The following PHKA2 variants were observed in gnomAD, a reference collection of about 807,000 sequenced individuals.
PHKA2 encodes phosphorylase kinase regulatory subunit alpha 2.
Under a neutral mutation model 102.0 loss-of-function variants are expected in PHKA2, and 31 were observed. The ratio of observed to expected loss-of-function variants is 0.30; its 90% CI spans 0.23 to 0.41. The LOEUF is 0.41. Among genes scored for constraint, PHKA2 ranks in the 10% least tolerant of loss-of-function variants. PHKA2 has a pLI of 1.00. For missense variants in PHKA2, 858 were observed against 1,023.1 expected, an observed-to-expected ratio of 0.84 and a Z score of 2.20; for synonymous variants, 455 against 416.2, an observed-to-expected ratio of 1.09 and a Z score of -1.13.
rs942855181 is a variant in PHKA2 at position 18,939,987 on chromosome X, A to C, written c.918+8T>G. 1.3e-5 allele frequency: 15 copies of C among 1,143,115 alleles called. No homozygotes were observed. Among genetic ancestry groups the C allele is most frequent in the Non-Finnish European group, 1.8e-5 (15 of 832,803 alleles). The allele number at this position is 1,143,115 out of a possible 1,213,427, so 94.2% of individuals were successfully genotyped here. On this transcript the variant is annotated splice_region_variant and intron_variant, in intron 9 of 32. Transcript: ENST00000379942. ...GAGGAAAGATAAGAAACAATATTTA[A>C]ATACAACCTCTCTTGGAGTTTTATA... is the stretch of plus-strand genomic sequence containing the variant.
chrX:18,910,612 G>A (rs191276897), intron 20 of PHKA2, among the ~76,000 whole-genome samples: 1 of 112,395 alleles, frequency 8.9e-6, no homozygotes, highest in African/African-American at 3.2e-5. Flanking sequence ...ACTCTGATGA[G>A]TAGGCAGCAA....
At chrX:18,917,459 A>T (rs1343735701) in intron 19 of PHKA2, among the ~76,000 whole-genome samples, 1 of 109,058 alleles carries the variant, frequency 9.2e-6, no homozygotes, top group Non-Finnish European at 1.9e-5. Flanking sequence ...GCGTTTCACC[A>T]TGTTGGCCAG....
intron 13 of PHKA2, among the ~76,000 whole-genome samples, 154 bp from the exon 14 acceptor site, chrX:18,926,741 C>A (rs930314572): frequency 9.0e-6 from 1 of 111,645 alleles, no homozygotes; most frequent in South Asian, 3.7e-4. Flanking sequence ...GTTCGTCCTG[C>A]TGCTCCTCCC....
chrX:18,921,383 GC>G (rs1399942699), intron 17 of PHKA2, among the ~76,000 whole-genome samples: 4 of 110,973 alleles, frequency 3.6e-5, no homozygotes, highest in Non-Finnish European at 7.6e-5. Flanking sequence ...CCGAGATCGC[GC>G]CACTGTACTC....
intron 3 of PHKA2, 139 bp downstream of exon 3, chrX:18,952,355 A>T: frequency 4.5e-6 from 2 of 440,251 alleles, no homozygotes; most frequent in Non-Finnish European, 8.1e-6. Context: ...AAAAAAAGAG[A>T]GAGAGAAAGT....
Position 18,948,577 on chromosome X carries a change from C to T in PHKA2, c.537+167G>A, listed in dbSNP as rs17313455. Among the ~76,000 whole-genome samples the T allele has an allele frequency of 5.3e-5, 6 of 112,501 alleles. No individual in the cohort carries two copies. The Admixed American group carries it at 5.6e-4, about 11-fold the overall frequency. ...AAAACCTGAAACCCCCAACTCTATT[C>T]CAGGACAAAAATATGCAGTTTGTGT... On this transcript the variant is annotated intron_variant, in intron 5 of 32. Coordinates refer to ENST00000379942, the MANE Select transcript of PHKA2 (RefSeq NM_000292.3).
chrX:18,942,813 A>G (rs1238050992), intron 7 of PHKA2, among the ~76,000 whole-genome samples: 1 of 105,851 alleles, frequency 9.4e-6, no homozygotes, highest in African/African-American at 3.5e-5. Flanking sequence ...GCACCACTGC[A>G]CTCCAGCCTA....
At position 18,984,054 on chromosome X, in the gene PHKA2, G is replaced by T; in HGVS notation, c.-122C>A. On this transcript the variant is annotated 5_prime_UTR_variant, in exon 1 of 33. Transcript: ENST00000379942. ...CAGCCTTAGTCGGTTCTTGGGATGGGACCGGGCCGGAGGAGGTCGAGACTT... is the reference window on the plus strand; with the variant it reads ...CAGCCTTAGTCGGTTCTTGGGATGGTACCGGGCCGGAGGAGGTCGAGACTT... 1 of 577,473 alleles carries T rather than the reference G, an allele frequency of 1.7e-6. No individual in the cohort carries two copies. Among genetic ancestry groups the T allele is most frequent in the South Asian group, 2.4e-5 (1 of 41,956 alleles). The allele number at this position is 577,473 out of a possible 1,213,427, so 47.6% of individuals were successfully genotyped here. A position where few individuals can be genotyped will look rare whatever the true frequency, so the allele number is the denominator to read the frequency against.
intron 7 of PHKA2, among the ~76,000 whole-genome samples, 169 bp downstream of exon 7, chrX:18,943,541 T>C (rs1158037931): frequency 1.8e-5 from 2 of 112,403 alleles, no homozygotes; most frequent in African/African-American, 6.5e-5. Flanking sequence ...TTCTTACAAC[T>C]AGCTTGTGAG....
In PHKA2 at chrX:18,898,443, C is replaced by T. The variant is rs191279037; in HGVS notation, c.3111+730G>A. Reference sequence around the variant, plus strand: ...AGGGATAACCTTCACTCTCACACATCTCTTTGCCTGGGACTATCTGGCACT... The same window carrying T: ...AGGGATAACCTTCACTCTCACACATTTCTTTGCCTGGGACTATCTGGCACT... On this transcript the variant is annotated intron_variant, in intron 29 of 32. Coordinates refer to ENST00000379942, the MANE Select transcript of PHKA2 (RefSeq NM_000292.3). 2.6e-5 allele frequency among the ~76,000 whole-genome samples: 3 copies of T among 113,262 alleles called. No homozygotes were observed. In the East Asian group the frequency reaches 8.4e-4, roughly 32 times the overall value.
At chrX:18,930,243 C>T (rs2048289414) in intron 12 of PHKA2, among the ~76,000 whole-genome samples, 1 of 111,690 alleles carries the variant, frequency 9.0e-6, no homozygotes, top group African/African-American at 3.3e-5. Context: ...CACCTTGGCC[C>T]CCACGCTACC....
intron 17 of PHKA2, among the ~76,000 whole-genome samples, chrX:18,922,842 T>C (rs888987742): frequency 1.8e-5 from 2 of 111,102 alleles, no homozygotes; most frequent in Middle Eastern, 4.2e-3. Context: ...GTTAAGGTAA[T>C]GTTATAGGTA....
intron 11 of PHKA2, among the ~76,000 whole-genome samples, chrX:18,934,550 C>T (rs537883393): frequency 8.9e-6 from 1 of 111,934 alleles, no homozygotes; most frequent in African/African-American, 3.2e-5. Context: ...TGAATGCTTC[C>T]GGCAATGGCA....
chrX:18,928,151 C>G (rs2048245330), intron 13 of PHKA2, among the ~76,000 whole-genome samples: 1 of 112,231 alleles, frequency 8.9e-6, no homozygotes, highest in South Asian at 3.7e-4. Flanking sequence ...ATCAGTCCAC[C>G]TGGAAGTCAG....
Position 18,893,410 on chromosome X carries a change from G to A in PHKA2, c.*75C>T, listed in dbSNP as rs1382397268. The A allele has an allele frequency of 1.4e-5, 14 of 1,016,720 alleles. No homozygotes were observed. The highest frequency in any genetic ancestry group is 1.9e-5 in the Non-Finnish European group (14 of 720,937). 83.8% of individuals were successfully genotyped at this position (1,016,720 alleles called of 1,213,427 possible). On this transcript the variant is annotated 3_prime_UTR_variant, in exon 33 of 33. Coordinates refer to ENST00000379942, the MANE Select transcript of PHKA2 (RefSeq NM_000292.3). ...TTTCCTGATAGCACAGGGGATCTTG[G>A]GGGACAGAAGGTTCCCAGTAAGGCT...
At position 18,924,133 on chromosome X, in the gene PHKA2, T is replaced by C; in HGVS notation, c.1716A>G (p.Thr572=). The change falls in exon 17 of 33, where the codon ACA becomes ACG. Residue 572 remains threonine, a splice_region_variant and synonymous_variant. Coordinates refer to ENST00000379942, the MANE Select transcript of PHKA2 (RefSeq NM_000292.3). ...LTFPISRTML[T]NDGSDIHSAV... ...CAGAATGAATGTCTGAGCCATCATT[T>C]GCTAAGGAAAAAAAGTGATGAATTA... 2 of 1,196,467 alleles carry C rather than the reference T, an allele frequency of 1.7e-6. No homozygotes were observed. The highest frequency in any genetic ancestry group is 5.9e-5 in the East Asian group (2 of 33,810).
At chrX:18,948,578 C>T (rs191999509) in intron 5 of PHKA2, among the ~76,000 whole-genome samples, 166 bp downstream of exon 5, 17 of 112,392 alleles carry the variant, frequency 1.5e-4, no homozygotes, top group Admixed American at 5.7e-4. Flanking sequence ...AACTCTATTC[C>T]AGGACAAAAA....
At chrX:18,947,040 C>T (rs1218181638) in intron 5 of PHKA2, among the ~76,000 whole-genome samples, 1 of 111,409 alleles carries the variant, frequency 9.0e-6, no homozygotes, top group African/African-American at 3.3e-5. Context: ...GGAATCACTG[C>T]TTTAGACCTG....
intron 10 of PHKA2, among the ~76,000 whole-genome samples, chrX:18,938,329 GC>G (rs1392748109): frequency 5.3e-5 from 6 of 113,165 alleles, no homozygotes; most frequent in African/African-American, 1.9e-4. Flanking sequence ...GCATCAATTG[GC>G]CATGTGAGTG....
Sources: allele counts gnomAD v4.1 joint callset (sites outside exome capture counted in the v4.1 genomes callset), GRCh38; gene constraint gnomAD v4.1.1; transcripts MANE v1.5; gene names NCBI Gene and HGNC (gene_info 2026-07-23, HGNC 2026-07-21).